RIOX2: variants seen among roughly 807,000 people sequenced by gnomAD.
RIOX2 encodes the protein ribosomal oxygenase 2.
A neutral mutation model predicts 51.2 loss-of-function variants in RIOX2; 43 were observed. That is an observed-to-expected ratio of 0.84 (90% CI 0.66 to 1.08). The LOEUF (loss-of-function observed/expected upper bound fraction) is 1.08, where lower values mean the gene tolerates loss of function less well. Among genes scored for constraint, RIOX2 ranks in the 50% least tolerant of loss-of-function variants. The pLI is 0.00. For missense variants in RIOX2, 566 were observed against 561.7 expected (o/e 1.01, Z -0.08); for synonymous variants, 226 against 218.5 (o/e 1.03, Z -0.30).
chr3:97,958,975 A>G (rs1315420517), intron 4 of RIOX2, 76 bp downstream of exon 4: 1 of 1,475,474 alleles, frequency 6.8e-7, no homozygotes, highest in Non-Finnish European at 9.1e-7. Flanking sequence ...CTAAACCTTG[A>G]GCCTGAACTT....
chr3:97,959,416 G>A (rs957099692), intron 3 of RIOX2, among the ~76,000 whole-genome samples: 1 of 151,338 alleles, frequency 6.6e-6, no homozygotes, highest in Non-Finnish European at 1.5e-5. Flanking sequence ...AAACTCCTGG[G>A]CTCCAATGAT....
intron 5 of RIOX2, among the ~76,000 whole-genome samples, chr3:97,951,873 G>C (rs1050694619): frequency 7.9e-5 from 12 of 152,174 alleles, no homozygotes; most frequent in Non-Finnish European, 1.6e-4. Flanking sequence ...TCTCAACCCG[G>C]AGGGCACATG....
chr3:97,954,606 A>C (rs1705387693), intron 4 of RIOX2, 111 bp from the exon 5 acceptor site: 2 of 862,772 alleles, frequency 2.3e-6, no homozygotes, highest in Non-Finnish European at 3.8e-6. Flanking sequence ...CATTCTAGAA[A>C]CCACAACCTC....
intron 1 of RIOX2, chr3:97,971,558 T>C (rs1385594052): frequency 6.6e-6 from 1 of 152,238 alleles, no homozygotes; most frequent in Non-Finnish European, 1.5e-5. Context: ...GTTATCTTTT[T>C]AGTCTGATTT....
intron 4 of RIOX2, among the ~76,000 whole-genome samples, chr3:97,957,058 C>G (rs1032507963): frequency 6.6e-6 from 1 of 152,178 alleles, no homozygotes; most frequent in Non-Finnish European, 1.5e-5. Context: ...CGGGCTGCCA[C>G]TAGCATAGGG....
intron 4 of RIOX2, among the ~76,000 whole-genome samples, chr3:97,956,148 C>T (rs914115146): frequency 6.6e-6 from 1 of 152,170 alleles, no homozygotes; most frequent in African/African-American, 2.4e-5. Context: ...TTTACAATGG[C>T]TACAATAACA....
intron 5 of RIOX2, among the ~76,000 whole-genome samples, chr3:97,951,488 A>C (rs1705248748): frequency 6.6e-6 from 1 of 152,220 alleles, no homozygotes; most frequent in South Asian, 2.1e-4. Context: ...TAAAAATAAC[A>C]TCTAGGGACA....
Position 97,954,422 on chromosome 3 carries a change from G to A in RIOX2, c.755C>T (p.Thr252Ile), listed in dbSNP as rs776880594. The change falls in exon 5 of 10, where the codon ACT (threonine) becomes ATT (isoleucine). Residue 252 changes from threonine to isoleucine, a missense_variant. By Grantham distance (89) the Thr-to-Ile change is moderately conservative (BLOSUM62 -1). Coordinates refer to ENST00000394198, the MANE Select transcript of RIOX2 (RefSeq NM_153182.4). ...CTGGTAGGTGCTGATGGTCACGTGAGTAGAGTGGGCCAGCCCCGCAGGAGT... is the reference window on the plus strand; with the variant it reads ...CTGGTAGGTGCTGATGGTCACGTGAATAGAGTGGGCCAGCCCCGCAGGAGT... Reference protein sequence around the residue: ...ADTPAGLAHSTHVTISTYQNN... With the variant: ...ADTPAGLAHSIHVTISTYQNN... 2 of 1,613,892 alleles carry A rather than the reference G, an allele frequency of 1.2e-6. No individual in the cohort carries two copies. Among genetic ancestry groups the A allele is most frequent in the African/African-American group, 1.3e-5 (1 of 74,932 alleles).
intron 2 of RIOX2, among the ~76,000 whole-genome samples, chr3:97,963,846 C>A (rs948213849): frequency 6.6e-6 from 1 of 152,188 alleles, no homozygotes; most frequent in African/African-American, 2.4e-5. Flanking sequence ...TAGAAGAGAT[C>A]TGGAGTCAAA....
chr3:97,945,391 A>G (rs2040330986), intron 9 of RIOX2, 49 bp from the exon 10 acceptor site: 1 of 1,491,962 alleles, frequency 6.7e-7, no homozygotes, highest in African/African-American at 1.4e-5. Context: ...TACTTATGTC[A>G]TTGAAGTAGC....
Position 97,942,447 on chromosome 3 carries a change from G to A in RIOX2, c.*2737C>T. ...CAACTTGTCCTTGATGTTAAAGGTG[G>A]GCCTTTGATGATACCCAATGTTGTG... On this transcript the variant is annotated 3_prime_UTR_variant, in exon 10 of 10. Coordinates refer to ENST00000394198, the MANE Select transcript of RIOX2 (RefSeq NM_153182.4). 6.2e-7 allele frequency: 1 copy of A among 1,604,940 alleles called. No homozygotes were observed. The highest frequency in any genetic ancestry group is 8.5e-7 in the Non-Finnish European group (1 of 1,174,820).
intron 3 of RIOX2, among the ~76,000 whole-genome samples, chr3:97,959,779 T>C (rs980201941): frequency 2.0e-5 from 3 of 152,198 alleles, no homozygotes; most frequent in Admixed American, 6.5e-5. Flanking sequence ...ATGTAGATAC[T>C]AGTCTATCAT....
At position 97,943,417 on chromosome 3, in the gene RIOX2, T is replaced by C; in HGVS notation, c.*1767A>G. On this transcript the variant is annotated 3_prime_UTR_variant, in exon 10 of 10. Coordinates refer to ENST00000394198, the MANE Select transcript of RIOX2 (RefSeq NM_153182.4). ...AAGGAAGCTACTGTCCTCACACTCC[T>C]GGATCACTGAGCAGAATGAACATTT... 1 of 689,756 alleles carries C rather than the reference T, an allele frequency of 1.4e-6. No individual in the cohort carries two copies. Among genetic ancestry groups the C allele is most frequent in the South Asian group, 1.7e-5 (1 of 58,768 alleles). The allele number at this position is 689,756 out of a possible 1,614,324, so 42.7% of individuals were successfully genotyped here. A position where few individuals can be genotyped will look rare whatever the true frequency, so the allele number is the denominator to read the frequency against.
At chr3:97,959,018 A>T in intron 4 of RIOX2, 33 bp downstream of exon 4, 1 of 1,578,124 alleles carries the variant, frequency 6.3e-7, no homozygotes, top group Non-Finnish European at 8.6e-7. Context: ...CAATGGCTCT[A>T]ACAATGAGGT....
Position 97,945,797 on chromosome 3 carries a change from C to T in RIOX2, c.1239+1G>A, listed in dbSNP as rs2040341789. On this transcript the variant is annotated splice_donor_variant, in intron 9 of 9. Coordinates refer to ENST00000394198, the MANE Select transcript of RIOX2 (RefSeq NM_153182.4). LOFTEE classifies it high-confidence loss of function. ...GGCATTTGTTTTCAGTTGAAACAAA[C>T]CTCTGTTTCCTCCTCATTTCCCATC... is the stretch of plus-strand genomic sequence containing the variant. 3 of 1,603,620 alleles carry T rather than the reference C, an allele frequency of 1.9e-6. No individual in the cohort carries two copies. The highest frequency in any genetic ancestry group is 1.3e-5 in the African/African-American group (1 of 74,732).
intron 2 of RIOX2, among the ~76,000 whole-genome samples, chr3:97,961,995 T>C (rs1357350003): frequency 6.6e-6 from 1 of 152,100 alleles, no homozygotes; most frequent in Non-Finnish European, 1.5e-5. Context: ...CACAATCCAA[T>C]TTACATTTTT....
At chr3:97,954,533 AGTATTC>A in intron 4 of RIOX2, 38 bp from the exon 5 acceptor site, 1 of 1,521,104 alleles carries the variant, frequency 6.6e-7, no homozygotes, top group Non-Finnish European at 9.1e-7. Flanking sequence ...GAAGTTAATA[AGTATTC>A]CTTCTCAGTC....
At chr3:97,964,560 G>C (rs559138721) in intron 2 of RIOX2, among the ~76,000 whole-genome samples, 1 of 151,806 alleles carries the variant, frequency 6.6e-6, no homozygotes, top group African/African-American at 2.4e-5. Flanking sequence ...GCCGGGCATA[G>C]TGGCATGCAC....
At position 97,944,892 on chromosome 3, in the gene RIOX2, C is replaced by A; in HGVS notation, c.*292G>T. 4.8e-6 allele frequency: 1 copy of A among 209,330 alleles called. No individual in the cohort carries two copies. The highest frequency in any genetic ancestry group is 1.0e-4 in the East Asian group (1 of 9,588). 13.0% of individuals were successfully genotyped at this position (209,330 alleles called of 1,614,324 possible). On this transcript the variant is annotated 3_prime_UTR_variant, in exon 10 of 10. Coordinates refer to ENST00000394198, the MANE Select transcript of RIOX2 (RefSeq NM_153182.4). ...CCAAAGAACAAAGCCAGGTTAATGA[C>A]ATTCAATTCTAAATGATACATTGGA...
Sources: gnomAD v4.1 joint callset for allele counts (sites outside exome capture counted in the v4.1 genomes callset) on GRCh38, gnomAD v4.1.1 for gene constraint, MANE v1.5 for transcripts, NCBI Gene and HGNC (gene_info 2026-07-23, HGNC 2026-07-21) for gene names.